The following SIK3 variants were observed in gnomAD, a reference collection of about 807,000 sequenced individuals.
SIK3 encodes the protein SIK family kinase 3, also known as serine/threonine-protein kinase SIK3.
A neutral mutation model predicts 144.2 loss-of-function variants in SIK3; 28 were observed. That is an observed-to-expected ratio of 0.19 (90% CI 0.14 to 0.27). The LOEUF is 0.27. Among genes scored for constraint, SIK3 ranks in the 10% least tolerant of loss-of-function variants. The pLI is 1.00. For missense variants in SIK3, 1,319 were observed against 1,776.0 expected (o/e 0.74, Z 4.62); for synonymous variants, 686 against 676.3 (o/e 1.01, Z -0.22).
In SIK3 at chr11:117,059,983, C is replaced by T. The variant is rs546435794; in HGVS notation, c.273+38160G>A. 2.7e-4 allele frequency among the ~76,000 whole-genome samples: 41 copies of T among 152,312 alleles called. 1 individual carries two copies. In the South Asian group the frequency reaches 7.9e-3, roughly 29 times the overall value. On this transcript the variant is annotated intron_variant, in intron 1 of 24. Coordinates refer to ENST00000445177, the MANE Select transcript of SIK3 (RefSeq NM_001366686.3). The stretch of plus-strand genomic sequence containing the variant: ...TAAACATTCTCTTACTATATGATCA[C>T]GCAGTTCTGTCTTTGGTATTTAGCC...
At chr11:117,058,367 G>C (rs1426381004) in intron 1 of SIK3, among the ~76,000 whole-genome samples, 3 of 151,884 alleles carry the variant, frequency 2.0e-5, no homozygotes, top group South Asian at 2.1e-4. Flanking sequence ...TAAAAATACA[G>C]AAAGTAGCGA....
intron 4 of SIK3, among the ~76,000 whole-genome samples, chr11:116,900,901 G>T (rs1013929626): frequency 4.1e-5 from 6 of 146,110 alleles, no homozygotes; most frequent in Non-Finnish European, 6.0e-5. Flanking sequence ...TTTCACTCTT[G>T]TTGCCTAGGC....
At chr11:116,871,069 T>C (rs367877074) in intron 13 of SIK3, among the ~76,000 whole-genome samples, 3 of 152,252 alleles carry the variant, frequency 2.0e-5, no homozygotes, top group Non-Finnish European at 4.4e-5. Flanking sequence ...TAAGATACAA[T>C]TGTGTAGTAT....
chr11:116,953,826 G>A (rs1223439172), intron 3 of SIK3, among the ~76,000 whole-genome samples: 2 of 152,194 alleles, frequency 1.3e-5, no homozygotes, highest in African/African-American at 2.4e-5. Flanking sequence ...GCGCCTGACT[G>A]AAATAAACAA....
intron 14 of SIK3, chr11:116,869,763 C>T: frequency 4.2e-6 from 1 of 238,984 alleles, no homozygotes; most frequent in Non-Finnish European, 8.3e-6. Flanking sequence ...GTGAGTTAGG[C>T]ATCTCTCAAC....
intron 21 of SIK3, among the ~76,000 whole-genome samples, chr11:116,852,646 A>G (rs1942560168): frequency 1.3e-5 from 2 of 152,336 alleles, no homozygotes; most frequent in Admixed American, 6.5e-5. Flanking sequence ...ATTTATATTC[A>G]GTTTAGAGAT....
At chr11:117,054,011 T>C (rs539577979) in intron 1 of SIK3, among the ~76,000 whole-genome samples, 2 of 152,182 alleles carry the variant, frequency 1.3e-5, no homozygotes, top group Admixed American at 1.3e-4. Context: ...CCTCAAGCAA[T>C]CCTCCTGCTT....
chr11:117,026,158 T>C (rs185259781), intron 1 of SIK3, among the ~76,000 whole-genome samples: 1 of 152,342 alleles, frequency 6.6e-6, no homozygotes, highest in East Asian at 1.9e-4. Flanking sequence ...ATACTGCACC[T>C]TTCCTGTTTA....
chr11:117,052,671 G>C (rs904734552), intron 1 of SIK3, among the ~76,000 whole-genome samples: 1 of 152,196 alleles, frequency 6.6e-6, no homozygotes, highest in Admixed American at 6.5e-5. Flanking sequence ...ATCCCTTTAA[G>C]CAAAAATAAA....
intron 1 of SIK3, among the ~76,000 whole-genome samples, chr11:116,991,335 TAC>T (rs1228630070): frequency 6.6e-6 from 1 of 152,096 alleles, no homozygotes; most frequent in African/African-American, 2.4e-5. Context: ...TAATCTCACC[TAC>T]AAGGGAGGCT....
chr11:116,847,141 C>T (rs550434077), intron 23 of SIK3, among the ~76,000 whole-genome samples: 2 of 152,206 alleles, frequency 1.3e-5, no homozygotes, highest in African/African-American at 2.4e-5. Flanking sequence ...TGTTATGACA[C>T]CCTCCCTTGA....
At chr11:116,933,959 T>C (rs1947766809) in intron 3 of SIK3, among the ~76,000 whole-genome samples, 4 of 152,342 alleles carry the variant, frequency 2.6e-5, no homozygotes, top group African/African-American at 7.2e-5. Flanking sequence ...CCTTTGTTCT[T>C]TCTATTCTTT....
intron 1 of SIK3, among the ~76,000 whole-genome samples, chr11:117,060,468 A>G (rs1361901013): frequency 6.6e-6 from 1 of 152,042 alleles, no homozygotes; most frequent in Non-Finnish European, 1.5e-5. Flanking sequence ...GTGGTGGCGC[A>G]TGCCTGTAAT....
intron 1 of SIK3, among the ~76,000 whole-genome samples, chr11:116,988,372 C>T (rs1019338046): frequency 6.7e-6 from 1 of 148,364 alleles, no homozygotes; most frequent in Admixed American, 6.9e-5. Flanking sequence ...GGCAACAGAG[C>T]GAGACTCTGA....
In SIK3 at chr11:116,870,320, T is replaced by A; in HGVS notation, c.1808+11A>T. 6.2e-7 allele frequency: 1 copy of A among 1,613,962 alleles called. No individual in the cohort carries two copies. The highest frequency in any genetic ancestry group is 8.5e-7 in the Non-Finnish European group (1 of 1,180,022). On this transcript the variant is annotated intron_variant, in intron 14 of 24. Coordinates refer to ENST00000445177, the MANE Select transcript of SIK3 (RefSeq NM_001366686.3). ...AGGGGCTTCTGCAAGCACTGCCAGATGTCACATTACCTCTGCACAGCTTCC... is the reference window on the plus strand; with the variant it reads ...AGGGGCTTCTGCAAGCACTGCCAGAAGTCACATTACCTCTGCACAGCTTCC...
intron 1 of SIK3, among the ~76,000 whole-genome samples, chr11:117,097,225 C>G (rs890310011): frequency 1.3e-5 from 2 of 152,136 alleles, no homozygotes; most frequent in Non-Finnish European, 2.9e-5. Flanking sequence ...CGCCTCAAAT[C>G]CCTTTGAGAA....
chr11:116,857,013 T>C (rs949445351), intron 21 of SIK3: 5 of 152,202 alleles, frequency 3.3e-5, no homozygotes, highest in African/African-American at 1.2e-4. Flanking sequence ...ATGAATGCCG[T>C]GATGCTAATG....
chr11:116,996,630 G>A (rs1252820229), intron 1 of SIK3, among the ~76,000 whole-genome samples: 28 of 151,930 alleles, frequency 1.8e-4, no homozygotes, highest in Admixed American at 1.8e-3. Context: ...GACCAGCCTG[G>A]CCAACATCAT....
At chr11:117,061,850 C>T (rs1206466324) in intron 1 of SIK3, among the ~76,000 whole-genome samples, 2 of 151,294 alleles carry the variant, frequency 1.3e-5, no homozygotes, top group Non-Finnish European at 2.9e-5. Context: ...TGATACGTTA[C>T]AAAAAAAGAG....
Sources: allele counts gnomAD v4.1 joint callset (sites outside exome capture counted in the v4.1 genomes callset), GRCh38; gene constraint gnomAD v4.1.1; transcripts MANE v1.5; gene names NCBI Gene and HGNC (gene_info 2026-07-23, HGNC 2026-07-21).